TCF4: variants seen among roughly 807,000 people sequenced by gnomAD.
The protein encoded by TCF4 is SL3-3 enhancer factor 2.
TCF4 carries 3 observed loss-of-function variants against 82.1 expected under a neutral mutation model. That is an observed-to-expected ratio of 0.04 (90% confidence interval 0.02 to 0.09). The LOEUF is 0.09. Among genes scored for constraint, TCF4 ranks in the 10% least tolerant of loss-of-function variants. The pLI, the probability that TCF4 is intolerant of heterozygous loss-of-function variation, is 1.00. For synonymous variants in TCF4, 276 were observed against 309.6 expected, an observed-to-expected ratio of 0.89 and a Z score of 1.14; for missense variants, 518 against 852.7, an observed-to-expected ratio of 0.61 and a Z score of 4.89.
At chr18:55,434,121 T>C (rs975304908) in intron 5 of TCF4, among the ~76,000 whole-genome samples, 1 of 152,178 alleles carries the variant, frequency 6.6e-6, no homozygotes, top group Non-Finnish European at 1.5e-5. Flanking sequence ...AAGCAAATCT[T>C]CTCTATTCAC....
At chr18:55,412,678 G>T (rs1569425072) in intron 5 of TCF4, among the ~76,000 whole-genome samples, 1 of 152,164 alleles carries the variant, frequency 6.6e-6, no homozygotes, top group Non-Finnish European at 1.5e-5. Context: ...GAGGAGATGG[G>T]TGACATTTCT....
chr18:55,375,167 C>G (rs1446846813), intron 6 of TCF4, among the ~76,000 whole-genome samples: 1 of 151,372 alleles, frequency 6.6e-6, no homozygotes, highest in Non-Finnish European at 1.5e-5. Flanking sequence ...ATATTAAACC[C>G]TGCTTGGCCA....
At chr18:55,547,105 C>A (rs1005462770) in intron 3 of TCF4, among the ~76,000 whole-genome samples, 13 of 152,218 alleles carry the variant, frequency 8.5e-5, no homozygotes, top group East Asian at 5.8e-4. Context: ...ACAGACAGAG[C>A]TTTACTACAA....
At position 55,227,224 on chromosome 18, in the gene TCF4, C is replaced by A. The variant is rs1318747188; in HGVS notation, c.*811G>T. The A allele has an allele frequency of 1.4e-5, 2 of 147,934 alleles. No homozygotes were observed. Among genetic ancestry groups the A allele is most frequent in the Non-Finnish European group, 3.0e-5 (2 of 67,200 alleles). 9.2% of individuals were successfully genotyped at this position (147,934 alleles called of 1,614,324 possible). ...GGCACTACAGGTTACGATAACAAAC[C>A]AGGGAAAGGGACAGAAATAAGACCA... On this transcript the variant is annotated 3_prime_UTR_variant, in exon 20 of 20. Transcript: ENST00000354452.
chr18:55,611,091 G>A (rs1241322502), intron 2 of TCF4, among the ~76,000 whole-genome samples: 1 of 152,162 alleles, frequency 6.6e-6, no homozygotes, highest in Admixed American at 6.6e-5. Flanking sequence ...AGGCTTTGGG[G>A]AGATTGAGAT....
At chr18:55,328,735 T>C (rs1018859036) in intron 8 of TCF4, among the ~76,000 whole-genome samples, 2 of 152,174 alleles carry the variant, frequency 1.3e-5, no homozygotes, top group Admixed American at 1.3e-4. Context: ...AAAAAATGGA[T>C]GGATGAAGCT....
At chr18:55,615,070 T>C (rs1032512788) in intron 2 of TCF4, among the ~76,000 whole-genome samples, 3 of 152,180 alleles carry the variant, frequency 2.0e-5, no homozygotes, top group African/African-American at 7.2e-5. Context: ...TTGTGGTAAA[T>C]ACCTCAGTGA....
intron 3 of TCF4, among the ~76,000 whole-genome samples, chr18:55,464,899 G>C (rs150324462): frequency 1.4e-3 from 211 of 152,292 alleles, no homozygotes; most frequent in Admixed American, 2.8e-3. Context: ...TACCAGCAAA[G>C]TTTTAATGCT....
At chr18:55,259,325 G>A (rs968133824) in intron 13 of TCF4, among the ~76,000 whole-genome samples, 1 of 151,928 alleles carries the variant, frequency 6.6e-6, no homozygotes, top group Non-Finnish European at 1.5e-5. Flanking sequence ...TCTCTTAAAC[G>A]GACCCCTGAA....
chr18:55,508,477 T>C (rs183035346), intron 3 of TCF4, among the ~76,000 whole-genome samples: 1 of 152,354 alleles, frequency 6.6e-6, no homozygotes, highest in Admixed American at 6.5e-5. Context: ...ATCATGCTAA[T>C]AGCTTAAAAA....
chr18:55,250,740 C>G (rs948265324), intron 15 of TCF4, among the ~76,000 whole-genome samples: 1 of 152,158 alleles, frequency 6.6e-6, no homozygotes, highest in African/African-American at 2.4e-5. Context: ...TATGGATGAT[C>G]TATTTACAGG....
intron 2 of TCF4, among the ~76,000 whole-genome samples, chr18:55,617,006 G>A (rs1306467615): frequency 6.6e-6 from 1 of 151,912 alleles, no homozygotes; most frequent in African/African-American, 2.4e-5. Flanking sequence ...ATAAATCATT[G>A]CCAAGACCAA....
At chr18:55,269,747 A>G (rs2059951402) in intron 11 of TCF4, 84 bp downstream of exon 11, 1 of 1,556,980 alleles carries the variant, frequency 6.4e-7, no homozygotes, top group African/African-American at 1.4e-5. Context: ...ATTGCTATTC[A>G]GTTATGAAAG....
intron 8 of TCF4, among the ~76,000 whole-genome samples, chr18:55,280,142 T>C (rs1348526806): frequency 6.6e-6 from 1 of 152,036 alleles, no homozygotes; most frequent in Non-Finnish European, 1.5e-5. Context: ...AAATGAACTA[T>C]CCAAACCACA....
At chr18:55,422,456 TC>T (rs1385822151) in intron 5 of TCF4, 1 of 983,754 alleles carries the variant, frequency 1.0e-6, no homozygotes. Context: ...TGCCAGAAAT[TC>T]TCATACTTGG....
In TCF4 at chr18:55,422,113, A is replaced by AAC; in HGVS notation, c.305-18596_305-18595insGT. ...AAAGAAAAAGCACAAAAAAAAAAAA[A>AAC]CCACTATCATCCAAAAAAAAAAAAA... On this transcript the variant is annotated intron_variant, in intron 5 of 19. Transcript: ENST00000354452. 3 of 712,934 alleles carry AAC rather than the reference A, an allele frequency of 4.2e-6. No individual in the cohort carries two copies. The African/African-American group carries it at 6.5e-5, about 15-fold the overall frequency. 44.2% of individuals were successfully genotyped at this position (712,934 alleles called of 1,614,324 possible).
chr18:55,602,220 A>C (rs1424279680), intron 2 of TCF4, among the ~76,000 whole-genome samples: 1 of 152,214 alleles, frequency 6.6e-6, no homozygotes, highest in Non-Finnish European at 1.5e-5. Flanking sequence ...AGGCAGAGAG[A>C]AATTAAGTAA....
At chr18:55,253,677 A>C (rs144749642) in intron 15 of TCF4, among the ~76,000 whole-genome samples, 227 of 152,332 alleles carry the variant, frequency 1.5e-3, no homozygotes, top group Non-Finnish European at 2.7e-3. Flanking sequence ...AAGCTACTCT[A>C]TTAAATTACA....
intron 6 of TCF4, among the ~76,000 whole-genome samples, chr18:55,396,926 G>A (rs775160907): frequency 6.6e-5 from 10 of 152,148 alleles, no homozygotes; most frequent in Non-Finnish European, 1.5e-4. Flanking sequence ...AAGAATACTA[G>A]CTATAAATGT....
Sources: gnomAD v4.1 joint callset for allele counts (sites outside exome capture counted in the v4.1 genomes callset) on GRCh38, gnomAD v4.1.1 for gene constraint, MANE v1.5 for transcripts, NCBI Gene and HGNC (gene_info 2026-07-23, HGNC 2026-07-21) for gene names.